Variants in KSR2 observed in about 807,000 individuals in gnomAD.
The protein encoded by KSR2 is kinase suppressor of ras 2.
A neutral mutation model predicts 107.8 loss-of-function variants in KSR2; 25 were observed. The observed-to-expected ratio is 0.23, with a 90% CI of 0.17 to 0.32. KSR2 has a LOEUF of 0.32. Ranked by LOEUF, KSR2 falls within the 10% of genes least tolerant of loss-of-function variation. The pLI, the probability that KSR2 is intolerant of heterozygous loss-of-function variation, is 1.00. For synonymous variants in KSR2, 480 were observed against 507.0 expected (o/e 0.95, Z 0.71); for missense variants, 887 against 1,268.9 (o/e 0.70, Z 4.57).
At chr12:117,848,835 G>GTGGTGGTGA (rs985980996) in intron 3 of KSR2, among the ~76,000 whole-genome samples, 1,545 of 40,138 alleles carry the variant, frequency 0.038, 12 homozygotes, top group Non-Finnish European at 0.059. Context: ...GATGGTGGTA[G>GTGGTGGTGA]TGGTGGTGAT....
intron 14 of KSR2, among the ~76,000 whole-genome samples, chr12:117,493,536 T>A (rs1872858791): frequency 6.6e-6 from 1 of 152,186 alleles, no homozygotes; most frequent in South Asian, 2.1e-4. Context: ...AAGCCTCCCA[T>A]GGCCTCTCCA....
chr12:117,457,687 T>A lies in KSR2; in HGVS notation c.*9512A>T, dbSNP rs917647573. The A allele has an allele frequency of 2.0e-5, 3 of 152,112 alleles. No individual in the cohort carries two copies. The highest frequency in any genetic ancestry group is 4.4e-5 in the Non-Finnish European group (3 of 68,046). The allele number at this position is 152,112 out of a possible 1,614,324, so 9.4% of individuals were successfully genotyped here. ...CAAAGTCAGGGTGTGTCTGGGGATG[T>A]TTTTGGATGTCACCAGTACCAGGTG... On this transcript the variant is annotated 3_prime_UTR_variant, in exon 20 of 20. Coordinates refer to ENST00000339824, the MANE Select transcript of KSR2 (RefSeq NM_173598.6).
intron 4 of KSR2, among the ~76,000 whole-genome samples, chr12:117,738,461 C>T (rs1888031519): frequency 6.6e-6 from 1 of 152,132 alleles, no homozygotes; most frequent in Non-Finnish European, 1.5e-5. Flanking sequence ...TCCTGGGCTA[C>T]AAACCTGTTT....
chr12:117,637,699 T>TTTTTTTTTTA (rs869228087), intron 5 of KSR2, among the ~76,000 whole-genome samples: 1 of 137,616 alleles, frequency 7.3e-6, no homozygotes, highest in Non-Finnish European at 1.6e-5. Flanking sequence ...TTTTTTTTTT[T>TTTTTTTTTTA]GAGACAGAGT....
intron 1 of KSR2, among the ~76,000 whole-genome samples, chr12:117,956,915 AT>A (rs2137591084): frequency 6.6e-6 from 1 of 152,324 alleles, no homozygotes; most frequent in African/African-American, 2.4e-5. Context: ...CAGGTCTAAA[AT>A]ATCTCCCTCT....
At position 117,558,686 on chromosome 12, in the gene KSR2, AATGGATGGGTAG is replaced by A. The variant is rs1347326186; in HGVS notation, c.1326-125_1326-114del. 2.5e-4 allele frequency: 187 copies of A among 737,578 alleles called. 1 individual carries two copies. Among genetic ancestry groups the A allele is most frequent in the Middle Eastern group, 1.4e-3 (6 of 4,168 alleles). 45.7% of individuals were successfully genotyped at this position (737,578 alleles called of 1,614,324 possible). Reference sequence around the variant, plus strand: ...GGATGGGTGGATGAATGGATGGGTGAATGGATGGGTAGATGGATGGGGGATAGATGGGTGAGT... The same window carrying A: ...GGATGGGTGGATGAATGGATGGGTGAATGGATGGGGGATAGATGGGTGAGT... On this transcript the variant is annotated intron_variant, in intron 7 of 19. Coordinates refer to ENST00000339824, the MANE Select transcript of KSR2 (RefSeq NM_173598.6).
intron 10 of KSR2, among the ~76,000 whole-genome samples, chr12:117,534,656 C>T (rs1875902969): frequency 6.6e-6 from 1 of 152,072 alleles, no homozygotes; most frequent in Admixed American, 6.5e-5. Flanking sequence ...AGGTCCTAAT[C>T]CCTGGAAACT....
intron 4 of KSR2, among the ~76,000 whole-genome samples, chr12:117,675,919 T>C (rs961235107): frequency 6.6e-6 from 1 of 152,186 alleles, no homozygotes; most frequent in Non-Finnish European, 1.5e-5. Context: ...CCAGTAACCA[T>C]TTCCCCAAAC....
At chr12:117,581,915 A>C (rs1308597864) in intron 6 of KSR2, among the ~76,000 whole-genome samples, 1 of 152,228 alleles carries the variant, frequency 6.6e-6, no homozygotes, top group African/African-American at 2.4e-5. Flanking sequence ...ATATTATCTC[A>C]TTTAATCTGC....
At chr12:117,486,214 A>G (rs571765271) in intron 14 of KSR2, among the ~76,000 whole-genome samples, 1 of 152,334 alleles carries the variant, frequency 6.6e-6, no homozygotes, top group African/African-American at 2.4e-5. Flanking sequence ...ACCACCCCCA[A>G]ACCAGACGCC....
intron 1 of KSR2, among the ~76,000 whole-genome samples, chr12:117,947,256 A>C (rs1358359223): frequency 1.7e-5 from 2 of 118,596 alleles, no homozygotes; most frequent in African/African-American, 6.8e-5. Context: ...AAAGAAAGAA[A>C]GAAGATAAAC....
intron 3 of KSR2, among the ~76,000 whole-genome samples, chr12:117,834,925 T>C (rs571448027): frequency 6.6e-6 from 1 of 152,126 alleles, no homozygotes; most frequent in Non-Finnish European, 1.5e-5. Context: ...AATGCAGTAA[T>C]AGTAACAACA....
chr12:117,818,084 G>C (rs1003605592), intron 3 of KSR2, among the ~76,000 whole-genome samples: 1 of 150,994 alleles, frequency 6.6e-6, no homozygotes, highest in African/African-American at 2.4e-5. Flanking sequence ...CTGGGTAACA[G>C]AGCGAGACTC....
intron 1 of KSR2, among the ~76,000 whole-genome samples, chr12:117,937,714 T>G (rs1895887675): frequency 6.6e-6 from 1 of 151,392 alleles, no homozygotes; most frequent in Non-Finnish European, 1.5e-5. Context: ...ATCCCAGCAC[T>G]TTGGGAGGCT....
intron 4 of KSR2, among the ~76,000 whole-genome samples, chr12:117,719,056 TA>T (rs1195540000): frequency 6.6e-6 from 1 of 152,244 alleles, no homozygotes; most frequent in Non-Finnish European, 1.5e-5. Flanking sequence ...TATGCAAAGC[TA>T]TGGCCTGTGG....
intron 2 of KSR2, among the ~76,000 whole-genome samples, chr12:117,858,548 G>A (rs751806198): frequency 2.0e-5 from 3 of 152,174 alleles, no homozygotes; most frequent in Non-Finnish European, 2.9e-5. Flanking sequence ...TTGTCCCTGC[G>A]GACAAGGTCT....
At chr12:117,830,626 T>C (rs540231355) in intron 3 of KSR2, among the ~76,000 whole-genome samples, 38 of 152,320 alleles carry the variant, frequency 2.5e-4, no homozygotes, top group African/African-American at 8.9e-4. Context: ...GCCTGCGTCA[T>C]TTCCAGATGA....
rs1892543869 is a variant in KSR2, at chr12:117,842,830, A to T, written c.472+12598T>A. Among the ~76,000 whole-genome samples the T allele has an allele frequency of 6.6e-6, 1 of 152,164 alleles. No homozygotes were observed. The highest frequency in any genetic ancestry group is 1.5e-5 in the Non-Finnish European group (1 of 68,034). ...AAAGTGGGCTGCAGGGGGACAGGAC[A>T]GGTGGATGAAGCCTTGGACCAGGTT... On this transcript the variant is annotated intron_variant, in intron 3 of 19. Transcript: ENST00000339824. This position sits in a 1 kb window ranked among gnomAD's most constrained non-coding sequence, Gnocchi z 4.2.
chr12:117,610,755 A>AC (rs56177708), intron 5 of KSR2, among the ~76,000 whole-genome samples: 10 of 151,026 alleles, frequency 6.6e-5, no homozygotes, highest in Non-Finnish European at 1.0e-4. Flanking sequence ...AAAAAAAAAA[A>AC]CAGATCCCAG....
Sources: gnomAD v4.1 joint callset for allele counts (sites outside exome capture counted in the v4.1 genomes callset) on GRCh38, gnomAD v4.1.1 for gene constraint, Gnocchi (gnomAD v3.1) non-coding constraint, MANE v1.5 for transcripts, NCBI Gene and HGNC (gene_info 2026-07-23, HGNC 2026-07-21) for gene names.